TLE1: variants seen among roughly 807,000 people sequenced by gnomAD.
TLE1 encodes transducin-like enhancer protein 1.
In TLE1, 21 loss-of-function variants were observed where a neutral mutation model predicts 89.8. The ratio of observed to expected loss-of-function variants is 0.23; its 90% CI spans 0.17 to 0.34. The LOEUF (loss-of-function observed/expected upper bound fraction) is 0.34. TLE1 is among the 10% of genes least tolerant of loss of function. The pLI is 1.00. For synonymous variants in TLE1, 447 were observed against 407.6 expected (o/e 1.10, Z -1.16); for missense variants, 795 against 1,031.2 (o/e 0.77, Z 3.14).
rs1365099051 is a variant in TLE1, at chr9:81,685,843, T to C, written c.179A>G (p.His60Arg). The change falls in exon 3 of 20, where the codon CAC (histidine) becomes CGC (arginine). Residue 60 changes from histidine to arginine, a missense_variant. By Grantham distance (29) the His-to-Arg change is conservative. This residue lies in a region of TLE1 where 66 missense variants were observed against 118.7 expected (regional missense o/e 0.56). Coordinates refer to ENST00000376499, the MANE Select transcript of TLE1 (RefSeq NM_005077.5). ...ATCTTTGATACCTACCATCACATAG[T>C]GCCTCTGCATTTCTGTCTTTTCACT... ...LASEKTEMQR[H>R]YVMYYEMSYG... The C allele has an allele frequency of 6.2e-7, 1 of 1,613,978 alleles. No homozygotes were observed. The highest frequency in any genetic ancestry group is 1.7e-5 in the Admixed American group (1 of 60,008).
intron 1 of TLE1, among the ~76,000 whole-genome samples, chr9:81,687,986 CT>C (rs1230637715): frequency 6.6e-6 from 1 of 152,140 alleles, no homozygotes; most frequent in Non-Finnish European, 1.5e-5. Flanking sequence ...CCCAGCGCCC[CT>C]GTCCGCTCGG....
chr9:81,609,902 T>C (rs2132039515), intron 14 of TLE1, among the ~76,000 whole-genome samples: 1 of 152,314 alleles, frequency 6.6e-6, no homozygotes, highest in East Asian at 1.9e-4. Context: ...TCTAGCCAAA[T>C]GGCAGAGCAG....
intron 4 of TLE1, among the ~76,000 whole-genome samples, chr9:81,656,413 G>A (rs957958809): frequency 6.6e-6 from 1 of 152,100 alleles, no homozygotes; most frequent in Non-Finnish European, 1.5e-5. Context: ...TCCTCTTCTC[G>A]GAAATTCACA....
At chr9:81,587,955 A>C in intron 16 of TLE1, 127 bp from the exon 17 acceptor site, 2 of 601,852 alleles carry the variant, frequency 3.3e-6, no homozygotes, top group Non-Finnish European at 4.4e-6. Flanking sequence ...TGATCCCGCC[A>C]GTGTCTGCTG....
rs1825123803 is a variant in TLE1 at position 81,620,682 on chromosome 9, C to G, written c.595-125G>C. The G allele has an allele frequency of 3.4e-6, 5 of 1,481,238 alleles. No homozygotes were observed. In the South Asian group the frequency reaches 7.2e-5, roughly 21 times the overall value. The allele number at this position is 1,481,238 out of a possible 1,614,324, so 91.8% of individuals were successfully genotyped here. On this transcript the variant is annotated intron_variant, in intron 8 of 19. Coordinates refer to ENST00000376499, the MANE Select transcript of TLE1 (RefSeq NM_005077.5). ...ACACAGCCTTTCATTCCATTTAATT[C>G]ATCTCATCTAAAGACTTTGATGGCA...
chr9:81,624,453 C>T (rs1320751586), intron 8 of TLE1, among the ~76,000 whole-genome samples: 1 of 152,180 alleles, frequency 6.6e-6, no homozygotes, highest in Non-Finnish European at 1.5e-5. Context: ...ACTGCAGACA[C>T]CTCTTCCTAG....
intron 4 of TLE1, among the ~76,000 whole-genome samples, chr9:81,670,986 T>C (rs1290757469): frequency 6.6e-6 from 1 of 151,860 alleles, no homozygotes; most frequent in Non-Finnish European, 1.5e-5. Flanking sequence ...CTGACCAACA[T>C]GGCAAAACCC....
intron 16 of TLE1, among the ~76,000 whole-genome samples, chr9:81,589,911 C>A (rs903950158): frequency 1.2e-4 from 18 of 152,080 alleles, no homozygotes; most frequent in African/African-American, 4.1e-4. Flanking sequence ...AGGGACCGGG[C>A]CCGGCTCAAT....
At chr9:81,669,860 C>T (rs185014597) in intron 4 of TLE1, among the ~76,000 whole-genome samples, 4 of 152,024 alleles carry the variant, frequency 2.6e-5, no homozygotes, top group African/African-American at 9.7e-5. Context: ...CTGGTTTGGC[C>T]GAGCGACTTT....
intron 4 of TLE1, among the ~76,000 whole-genome samples, chr9:81,676,912 C>T (rs985902693): frequency 6.6e-6 from 1 of 152,188 alleles, no homozygotes; most frequent in Non-Finnish European, 1.5e-5. Context: ...TAAATGTATA[C>T]AACAGTGTAA....
At chr9:81,606,682 G>A (rs992022735) in intron 14 of TLE1, among the ~76,000 whole-genome samples, 5 of 151,850 alleles carry the variant, frequency 3.3e-5, no homozygotes, top group South Asian at 4.2e-4. Context: ...TGTAAATAAC[G>A]AGTTGATGGG....
At chr9:81,682,559 T>C (rs1172644710) in intron 4 of TLE1, among the ~76,000 whole-genome samples, 3 of 152,202 alleles carry the variant, frequency 2.0e-5, no homozygotes, top group Non-Finnish European at 4.4e-5. Flanking sequence ...TATGTGTGCA[T>C]TTACAGTACA....
In TLE1 at chr9:81,613,367, G is replaced by A. The variant is rs1415294562; in HGVS notation, c.1063+10C>T. 12 of 1,612,230 alleles carry A rather than the reference G, an allele frequency of 7.4e-6. No homozygotes were observed. Among genetic ancestry groups the A allele is most frequent in the Middle Eastern group, 1.7e-4 (1 of 6,048 alleles). ...AACCAAACAAAGCACAACAAGAGGCGATGCTGTACCCGCTTGGTTAACGAG... is the reference window on the plus strand; with the variant it reads ...AACCAAACAAAGCACAACAAGAGGCAATGCTGTACCCGCTTGGTTAACGAG... On this transcript the variant is annotated intron_variant, in intron 12 of 19. Transcript: ENST00000376499.
At chr9:81,621,778 T>C (rs933990607) in intron 8 of TLE1, among the ~76,000 whole-genome samples, 5 of 152,096 alleles carry the variant, frequency 3.3e-5, no homozygotes, top group African/African-American at 1.2e-4. Context: ...GAGGGTTGTC[T>C]CCAGCTCAAC....
chr9:81,607,773 G>A (rs1831882885), intron 14 of TLE1, among the ~76,000 whole-genome samples: 2 of 152,132 alleles, frequency 1.3e-5, no homozygotes, highest in African/African-American at 2.4e-5. Context: ...AACACACCAG[G>A]TAGTAACTAG....
At chr9:81,609,920 C>T (rs1382881210) in intron 14 of TLE1, among the ~76,000 whole-genome samples, 1 of 152,236 alleles carries the variant, frequency 6.6e-6, no homozygotes, top group Non-Finnish European at 1.5e-5. Flanking sequence ...CAGAGCAGAG[C>T]AGCTTTCTGA....
At chr9:81,618,966 C>T (rs1246564337) in intron 9 of TLE1, among the ~76,000 whole-genome samples, 4 of 144,270 alleles carry the variant, frequency 2.8e-5, no homozygotes, top group Non-Finnish European at 6.3e-5. Flanking sequence ...GGTCCCTAAC[C>T]ATCTATCCAA....
chr9:81,650,629 A>G (rs1243433341), intron 6 of TLE1, among the ~76,000 whole-genome samples: 1 of 152,218 alleles, frequency 6.6e-6, no homozygotes, highest in Non-Finnish European at 1.5e-5. Flanking sequence ...AGAAGGCAGC[A>G]GACAAATGCA....
At chr9:81,622,272 A>C (rs565265949) in intron 8 of TLE1, among the ~76,000 whole-genome samples, 15 of 152,288 alleles carry the variant, frequency 9.8e-5, no homozygotes, top group African/African-American at 3.4e-4. Context: ...GCTGTATCTT[A>C]TTCAACTTTA....
Sources: allele counts gnomAD v4.1 joint callset (sites outside exome capture counted in the v4.1 genomes callset), GRCh38; gene constraint gnomAD v4.1.1; regional missense constraint gnomAD v4.1.1; transcripts MANE v1.5; gene names NCBI Gene and HGNC (gene_info 2026-07-23, HGNC 2026-07-21).